Variants in SNTG1 observed in about 807,000 individuals in gnomAD.
The protein encoded by SNTG1 is gamma-1-syntrophin.
A neutral mutation model predicts 74.7 loss-of-function variants in SNTG1; 39 were observed. The observed-to-expected ratio is 0.52, with a 90% confidence interval of 0.40 to 0.68. The LOEUF is 0.68. Among genes scored for constraint, SNTG1 ranks in the 30% least tolerant of loss-of-function variants. SNTG1 has a pLI of 0.00. For missense variants in SNTG1, 685 were observed against 609.5 expected, an observed-to-expected ratio of 1.12 and a Z score of -1.30; for synonymous variants, 254 against 217.1, an observed-to-expected ratio of 1.17 and a Z score of -1.49.
chr8:50,744,628 C>T (rs1388014477), intron 17 of SNTG1, among the ~76,000 whole-genome samples: 1 of 151,890 alleles, frequency 6.6e-6, no homozygotes, highest in Non-Finnish European at 1.5e-5. Flanking sequence ...AGTTGTAGGT[C>T]TTTGACTTCT....
At chr8:50,504,724 C>A (rs1435022865) in intron 9 of SNTG1, among the ~76,000 whole-genome samples, 1 of 152,090 alleles carries the variant, frequency 6.6e-6, no homozygotes, top group Non-Finnish European at 1.5e-5. Flanking sequence ...TGGCTTGAGC[C>A]TGGTAGGCTG....
intron 17 of SNTG1, among the ~76,000 whole-genome samples, chr8:50,730,870 G>A (rs900549662): frequency 3.3e-5 from 5 of 152,066 alleles, no homozygotes; most frequent in Admixed American, 6.6e-5. Flanking sequence ...TTGGAAGAAC[G>A]CTACTAAACT....
chr8:50,590,425 A>G (rs1014121606), intron 12 of SNTG1, among the ~76,000 whole-genome samples: 1 of 152,132 alleles, frequency 6.6e-6, no homozygotes, highest in East Asian at 1.9e-4. Context: ...GTTAGACTCT[A>G]TCTGGAGTCT....
intron 4 of SNTG1, among the ~76,000 whole-genome samples, chr8:50,429,204 CAA>C (rs1246053325): frequency 6.6e-6 from 1 of 151,084 alleles, no homozygotes; most frequent in Non-Finnish European, 1.5e-5. Flanking sequence ...TTGAAAAAAA[CAA>C]AAGAGTTTGA....
At chr8:50,324,974 CAGAG>C (rs1177075861) in intron 2 of SNTG1, among the ~76,000 whole-genome samples, 26 of 132,876 alleles carry the variant, frequency 2.0e-4, no homozygotes, top group South Asian at 7.2e-4. Context: ...TATATATAGA[CAGAG>C]AGAGAGAGAA....
At chr8:50,506,470 G>T (rs569183642) in intron 9 of SNTG1, among the ~76,000 whole-genome samples, 3 of 151,992 alleles carry the variant, frequency 2.0e-5, no homozygotes, top group Non-Finnish European at 4.4e-5. Flanking sequence ...TTCTTCCAGT[G>T]TATCAGCATG....
chr8:50,107,955 CG>C (rs2080443969), intron 1 of SNTG1, among the ~76,000 whole-genome samples: 1 of 152,090 alleles, frequency 6.6e-6, no homozygotes, highest in Non-Finnish European at 1.5e-5. Context: ...TTTTGGTAAG[CG>C]TTAGTTTCCT....
chr8:50,706,480 G>T (rs2095443765), intron 16 of SNTG1, among the ~76,000 whole-genome samples: 1 of 151,946 alleles, frequency 6.6e-6, no homozygotes, highest in Admixed American at 6.6e-5. Flanking sequence ...TTAACATTTT[G>T]GTTCCAATTT....
intron 2 of SNTG1, among the ~76,000 whole-genome samples, chr8:50,380,534 C>T (rs2092463066): frequency 6.6e-6 from 1 of 152,286 alleles, no homozygotes; most frequent in South Asian, 2.1e-4. Context: ...TCAAGTAAAG[C>T]ATTATGGAAA....
chr8:50,778,164 C>T (rs1475121541), intron 18 of SNTG1, among the ~76,000 whole-genome samples: 8 of 152,198 alleles, frequency 5.3e-5, no homozygotes, highest in South Asian at 4.1e-4. Flanking sequence ...AATAAACATA[C>T]GTGTGCATGT....
At chr8:50,502,202 A>G (rs1430137666) in intron 8 of SNTG1, among the ~76,000 whole-genome samples, 1 of 152,182 alleles carries the variant, frequency 6.6e-6, no homozygotes, top group Non-Finnish European at 1.5e-5. Context: ...AGAAAAGAAA[A>G]TATTAAGTAG....
rs4567053 is a variant in SNTG1, at chr8:50,487,661, G to A, written c.364-15117G>A. On this transcript the variant is annotated intron_variant, in intron 8 of 18. Coordinates refer to ENST00000642720, the MANE Select transcript of SNTG1 (RefSeq NM_018967.5). ...ATGAGAACACATGGACACAGGAAGGGGAATATCACACTCTGGGGACTGTTG... is the reference window on the plus strand; with the variant it reads ...ATGAGAACACATGGACACAGGAAGGAGAATATCACACTCTGGGGACTGTTG... Among the ~76,000 whole-genome samples the A allele has an allele frequency of 8.1e-3, 1,203 of 148,414 alleles. 35 individuals carry two copies. The highest frequency in any genetic ancestry group is 0.063 in the Admixed American group (923 of 14,612).
chr8:50,574,476 T>C (rs2094565827), intron 12 of SNTG1, among the ~76,000 whole-genome samples: 1 of 152,120 alleles, frequency 6.6e-6, no homozygotes, highest in Non-Finnish European at 1.5e-5. Context: ...GTGAAACATG[T>C]AGCAACAATA....
chr8:50,787,138 G>A (rs1392520126), intron 18 of SNTG1, among the ~76,000 whole-genome samples: 2 of 151,356 alleles, frequency 1.3e-5, no homozygotes, highest in Non-Finnish European at 3.0e-5. Context: ...GAAAAAAAAA[G>A]AAAAGAAACA....
At chr8:50,105,156 G>A (rs2080315745) in intron 1 of SNTG1, among the ~76,000 whole-genome samples, 1 of 152,004 alleles carries the variant, frequency 6.6e-6, no homozygotes, top group Non-Finnish European at 1.5e-5. Flanking sequence ...GGCTTTTATA[G>A]TTTTAAGTTT....
rs1038153887 is a variant in SNTG1, at chr8:49,985,729, C to T, written c.-103+73498C>T. On this transcript the variant is annotated intron_variant, in intron 1 of 18. Coordinates refer to ENST00000642720, the MANE Select transcript of SNTG1 (RefSeq NM_018967.5). ...ATAACTCAGCAGAAGGGATGGTTTTCTTCAGTTATTTGGTGGCATATTCTC... is the reference window on the plus strand; with the variant it reads ...ATAACTCAGCAGAAGGGATGGTTTTTTTCAGTTATTTGGTGGCATATTCTC... Among the ~76,000 whole-genome samples the T allele has an allele frequency of 1.4e-3, 215 of 152,226 alleles. 3 individuals are homozygous for T. Among genetic ancestry groups the T allele is most frequent in the African/African-American group, 5.0e-3 (207 of 41,546 alleles).
chr8:50,075,278 G>T (rs1185698129), intron 1 of SNTG1, among the ~76,000 whole-genome samples: 13 of 152,296 alleles, frequency 8.5e-5, no homozygotes, highest in Non-Finnish European at 1.5e-5. Context: ...CTGACTGGCG[G>T]CCCCTGGGTG....
At chr8:50,388,518 C>T (rs2092608566) in intron 2 of SNTG1, among the ~76,000 whole-genome samples, 1 of 152,124 alleles carries the variant, frequency 6.6e-6, no homozygotes, top group Non-Finnish European at 1.5e-5. Context: ...AATTCTGTGC[C>T]TTTAAAACCA....
chr8:50,610,115 A>G (rs180691354), intron 13 of SNTG1, among the ~76,000 whole-genome samples: 60 of 152,252 alleles, frequency 3.9e-4, no homozygotes, highest in African/African-American at 1.3e-3. Context: ...AAAATTTTTA[A>G]TTGTGTCTTA....
Sources: gnomAD v4.1 joint callset for allele counts (sites outside exome capture counted in the v4.1 genomes callset) on GRCh38, gnomAD v4.1.1 for gene constraint, MANE v1.5 for transcripts, NCBI Gene and HGNC (gene_info 2026-07-23, HGNC 2026-07-21) for gene names.